The following PHF14 variants were observed in gnomAD, a reference collection of about 807,000 sequenced individuals.
PHF14 encodes PHD finger protein 14.
Under a neutral mutation model 117.9 loss-of-function variants are expected in PHF14, and 55 were observed. The observed-to-expected ratio is 0.47, with a 90% confidence interval of 0.38 to 0.58. The LOEUF is 0.58. PHF14 is among the 20% of genes least tolerant of loss of function. The pLI is 0.00. For missense variants in PHF14, 978 were observed against 1,122.2 expected, an observed-to-expected ratio of 0.87 and a Z score of 1.84; for synonymous variants, 409 against 368.6, an observed-to-expected ratio of 1.11 and a Z score of -1.26.
chr7:11,067,486 A>G (rs1356631948), intron 16 of PHF14, among the ~76,000 whole-genome samples: 3 of 152,222 alleles, frequency 2.0e-5, no homozygotes, highest in Non-Finnish European at 4.4e-5. Flanking sequence ...CAAAGCAGAA[A>G]CTCAAACAGA....
chr7:11,115,278 C>T (rs1277570684), intron 17 of PHF14, among the ~76,000 whole-genome samples: 1 of 152,010 alleles, frequency 6.6e-6, no homozygotes, highest in Non-Finnish European at 1.5e-5. Flanking sequence ...ATGGGCCAGA[C>T]TTATCCCCTT....
intron 8 of PHF14, among the ~76,000 whole-genome samples, chr7:11,036,139 G>C (rs1784319882): frequency 6.6e-6 from 1 of 152,026 alleles, no homozygotes; most frequent in African/African-American, 2.4e-5. Context: ...TTAAACCTAT[G>C]GAGACAATAG....
intron 10 of PHF14, 91 bp from the exon 11 acceptor site, chr7:11,038,669 A>T (rs2128323011): frequency 2.7e-6 from 1 of 369,806 alleles, no homozygotes; most frequent in East Asian, 5.3e-5. Flanking sequence ...AAAAAAAAAA[A>T]ATTATATATA....
chr7:11,106,311 A>G, intron 16 of PHF14: 16 of 977,228 alleles, frequency 1.6e-5, no homozygotes, highest in South Asian at 9.5e-5. Context: ...CTACCCATTC[A>G]TTCATTATTG....
At chr7:11,054,922 A>G (rs1784965604) in intron 14 of PHF14, among the ~76,000 whole-genome samples, 1 of 152,092 alleles carries the variant, frequency 6.6e-6, no homozygotes, top group African/African-American at 2.4e-5. Context: ...TAGTCTTATT[A>G]TTCTGTCATG....
intron 14 of PHF14, among the ~76,000 whole-genome samples, chr7:11,057,315 G>A (rs1296069939): frequency 6.6e-6 from 1 of 152,102 alleles, no homozygotes; most frequent in Non-Finnish European, 1.5e-5. Flanking sequence ...CCAAATGATA[G>A]AAAAGTTAGA....
Position 11,035,710 on chromosome 7 carries a change from A to G in PHF14, c.1526A>G (p.Lys509Arg). 1.2e-6 allele frequency: 2 copies of G among 1,611,744 alleles called. No homozygotes were observed. The highest frequency in any genetic ancestry group is 1.7e-6 in the Non-Finnish European group (2 of 1,178,088). The change falls in exon 8 of 18, where the codon AAA (lysine) becomes AGA (arginine). Residue 509 changes from lysine to arginine, a missense_variant. Around this residue, in one of 7 missense-constraint regions of PHF14, gnomAD observed 237 missense variants for 276.4 expected, o/e 0.86. Transcript: ENST00000634607. ...ADRLDRKWKR[K>R]NYLALQSYCK... ...AGGTTAGACAGAAAGTGGAAGAGAA[A>G]AAACTACTTGGCTCTACAGTCCTAT...
intron 1 of PHF14, 128 bp downstream of exon 1, chr7:10,974,452 A>G (rs1310828419): frequency 1.8e-5 from 15 of 817,174 alleles, no homozygotes; most frequent in African/African-American, 8.5e-5. Context: ...CTCGCCCTCC[A>G]TGGTCCGCGG....
chr7:11,162,865 A>G (rs1480683664), intron 17 of PHF14, among the ~76,000 whole-genome samples: 8 of 152,180 alleles, frequency 5.3e-5, no homozygotes, highest in East Asian at 1.9e-4. Flanking sequence ...TTGCTACGAA[A>G]AGCTGCCACA....
intron 5 of PHF14, among the ~76,000 whole-genome samples, chr7:11,020,700 T>A (rs536829540): frequency 7.2e-5 from 11 of 152,148 alleles, no homozygotes; most frequent in African/African-American, 2.7e-4. Flanking sequence ...TTTTTTTCTT[T>A]AAAATTCTAG....
chr7:11,102,482 G>A (rs770390997), intron 16 of PHF14: 21 of 1,608,778 alleles, frequency 1.3e-5, no homozygotes, highest in Non-Finnish European at 1.7e-5. Flanking sequence ...ACTTTACTGT[G>A]TAGATACCCT....
At chr7:11,136,887 T>C (rs550137128) in intron 17 of PHF14, among the ~76,000 whole-genome samples, 3 of 152,266 alleles carry the variant, frequency 2.0e-5, no homozygotes, top group Non-Finnish European at 4.4e-5. Flanking sequence ...TTAAAAAAAA[T>C]TATGAACTAG....
chr7:11,074,138 A>G (rs901844555), intron 16 of PHF14, among the ~76,000 whole-genome samples: 7 of 151,898 alleles, frequency 4.6e-5, no homozygotes, highest in Non-Finnish European at 8.8e-5. Context: ...AGTCATGCTA[A>G]TCACTTTAGC....
At chr7:11,020,385 C>CT (rs1327979338) in intron 5 of PHF14, among the ~76,000 whole-genome samples, 1 of 151,730 alleles carries the variant, frequency 6.6e-6, no homozygotes, top group Non-Finnish European at 1.5e-5. Context: ...CCAATTTTTT[C>CT]TTTTTTTCTG....
chr7:11,134,381 A>G (rs183779350), intron 17 of PHF14, among the ~76,000 whole-genome samples: 452 of 152,142 alleles, frequency 3.0e-3, no homozygotes, highest in Non-Finnish European at 4.1e-3. Context: ...TTTAAACAAA[A>G]GATTCATTTT....
intron 17 of PHF14, among the ~76,000 whole-genome samples, chr7:11,123,925 A>G (rs898267553): frequency 6.6e-6 from 1 of 152,146 alleles, no homozygotes; most frequent in East Asian, 1.9e-4. Context: ...CTCAAAAAAA[A>G]AAAAACTAGA....
At chr7:11,094,483 C>A (rs930313404) in intron 16 of PHF14, among the ~76,000 whole-genome samples, 8 of 152,184 alleles carry the variant, frequency 5.3e-5, no homozygotes, top group African/African-American at 1.9e-4. Flanking sequence ...TACAAGAGCT[C>A]TTTCCTGTGA....
At chr7:11,147,300 C>G (rs1024250380) in intron 17 of PHF14, among the ~76,000 whole-genome samples, 1 of 152,180 alleles carries the variant, frequency 6.6e-6, no homozygotes, top group African/African-American at 2.4e-5. Context: ...GATAGCAGCT[C>G]AAGGCCGTCA....
intron 3 of PHF14, among the ~76,000 whole-genome samples, chr7:10,989,093 G>C (rs1372154816): frequency 1.3e-5 from 2 of 152,114 alleles, no homozygotes; most frequent in African/African-American, 4.8e-5. Flanking sequence ...TTATAACACA[G>C]AGAAGCAAAA....
Sources: gnomAD v4.1 joint callset for allele counts (sites outside exome capture counted in the v4.1 genomes callset) on GRCh38, gnomAD v4.1.1 for gene constraint, gnomAD v4.1.1 regional missense constraint, MANE v1.5 for transcripts, NCBI Gene and HGNC (gene_info 2026-07-23, HGNC 2026-07-21) for gene names.